ZNF641: variants seen among roughly 807,000 people sequenced by gnomAD.
ZNF641 encodes the protein zinc finger protein 641.
In ZNF641, 26 loss-of-function variants were observed where a neutral mutation model predicts 46.2. The ratio of observed to expected loss-of-function variants is 0.56; its 90% CI spans 0.41 to 0.78. The LOEUF is 0.78. Ranked by LOEUF, ZNF641 falls within the 30% of genes least tolerant of loss-of-function variation. ZNF641 has a pLI of 0.00. For missense variants in ZNF641, 469 were observed against 517.8 expected, an observed-to-expected ratio of 0.91 and a Z score of 0.91; for synonymous variants, 163 against 187.9, an observed-to-expected ratio of 0.87 and a Z score of 1.09.
Position 48,341,886 on chromosome 12 carries a change from C to T in ZNF641, c.*1087G>A. On this transcript the variant is annotated 3_prime_UTR_variant, in exon 6 of 6. Transcript: ENST00000547026. ...AAGCTTTGTACTCAACTTAACCTGT[C>T]ATTTAACCCTTTCCACTAGTTCTCC... is the stretch of plus-strand genomic sequence containing the variant. 1.0e-6 allele frequency: 1 copy of T among 985,454 alleles called. No individual in the cohort carries two copies. The highest frequency in any genetic ancestry group is 6.1e-5 in the Admixed American group (1 of 16,286). The allele number at this position is 985,454 out of a possible 1,614,324, so 61.0% of individuals were successfully genotyped here. A position where few individuals can be genotyped will look rare whatever the true frequency, so the allele number is the denominator to read the frequency against.
chr12:48,347,411 AT>A, intron 2 of ZNF641, 68 bp from the exon 3 acceptor site: 2 of 1,410,848 alleles, frequency 1.4e-6, no homozygotes, highest in South Asian at 1.4e-5. Context: ...CCTGGGCCCC[AT>A]TTTAGAGAGG....
At chr12:48,346,373 T>C (rs1478727088) in intron 3 of ZNF641, among the ~76,000 whole-genome samples, 1 of 152,164 alleles carries the variant, frequency 6.6e-6, no homozygotes, top group Non-Finnish European at 1.5e-5. Flanking sequence ...TTCTCAGAAT[T>C]AAATGAGTTA....
At position 48,348,110 on chromosome 12, in the gene ZNF641, T is replaced by A. The variant is rs764171939; in HGVS notation, c.-20A>T. 2 of 1,614,010 alleles carry A rather than the reference T, an allele frequency of 1.2e-6. No individual in the cohort carries two copies. The highest frequency in any genetic ancestry group is 3.3e-5 in the Admixed American group (2 of 60,020). ...AAGCATTTCTGCTGCAGACCCAAATTGTGACCTGGAACAAATTCATATCAG... is the reference window on the plus strand; with the variant it reads ...AAGCATTTCTGCTGCAGACCCAAATAGTGACCTGGAACAAATTCATATCAG... On this transcript the variant is annotated 5_prime_UTR_variant, in exon 2 of 6. Transcript: ENST00000547026.
intron 3 of ZNF641, among the ~76,000 whole-genome samples, chr12:48,346,396 C>T (rs893320301): frequency 2.0e-5 from 3 of 152,148 alleles, no homozygotes; most frequent in African/African-American, 4.8e-5. Context: ...ATACATAAAG[C>T]ACCCAGAAAA....
At position 48,347,941 on chromosome 12, in the gene ZNF641, G is replaced by A; in HGVS notation, c.150C>T (p.Asp50=). Residue 50 remains aspartate (D), a synonymous_variant, in exon 2 of 6, where the codon GAC becomes GAT. Coordinates refer to ENST00000547026, the MANE Select transcript of ZNF641 (RefSeq NM_001172681.2). ...VPGPLEHLCC[D]LEEEPQSLQE... ...GAAGGGACTGTGGCTCCTCTTCAAGGTCACAGCACAGGTGCTCCAGAGGTC... is the reference window on the plus strand; with the variant it reads ...GAAGGGACTGTGGCTCCTCTTCAAGATCACAGCACAGGTGCTCCAGAGGTC... The A allele has an allele frequency of 6.2e-7, 1 of 1,614,138 alleles. No individual in the cohort carries two copies. The highest frequency in any genetic ancestry group is 8.5e-7 in the Non-Finnish European group (1 of 1,180,024).
At position 48,339,238 on chromosome 12, in the gene ZNF641, A is replaced by G. The variant is rs1016242672; in HGVS notation, c.*3735T>C. ...GTCTAGCCTAGTGAGGCTACAGAGA[A>G]TAAACCTGACAACAGGAGTGTGAAG... is the stretch of plus-strand genomic sequence containing the variant. On this transcript the variant is annotated 3_prime_UTR_variant, in exon 6 of 6. Transcript: ENST00000547026. 2.0e-5 allele frequency: 3 copies of G among 152,336 alleles called. No individual in the cohort carries two copies. Among genetic ancestry groups the G allele is most frequent in the Admixed American group, 6.5e-5 (1 of 15,300 alleles). 9.4% of individuals were successfully genotyped at this position (152,336 alleles called of 1,614,324 possible).
chr12:48,344,912 C>G (rs945867402), intron 4 of ZNF641, 200 bp from the exon 5 acceptor site: 2 of 549,608 alleles, frequency 3.6e-6, no homozygotes, highest in South Asian at 2.2e-5. Flanking sequence ...AAATCACTCT[C>G]CTTCCCAATG....
At chr12:48,350,417 C>T in intron 1 of ZNF641, 1 of 297,794 alleles carries the variant, frequency 3.4e-6, no homozygotes, top group Non-Finnish European at 6.4e-6. Flanking sequence ...TCACAGTGCC[C>T]CTGGAAAGGG....
At chr12:48,335,371 C>A (rs2450993), downstream of ZNF641, among the ~76,000 whole-genome samples, 2,792 of 152,234 alleles carry the variant, frequency 0.018, 31 homozygotes, top group Non-Finnish European at 0.028. Context: ...CTAGTATTAG[C>A]CTTTTTCCTC....
rs543979554 is a variant in ZNF641, at chr12:48,339,531, G to C, written c.*3442C>G. 1.3e-4 allele frequency: 20 copies of C among 152,204 alleles called. No homozygotes were observed. The highest frequency in any genetic ancestry group is 4.8e-4 in the African/African-American group (20 of 41,450). The allele number at this position is 152,204 out of a possible 1,614,324, so 9.4% of individuals were successfully genotyped here. A position where few individuals can be genotyped will look rare whatever the true frequency, so the allele number is the denominator to read the frequency against. On this transcript the variant is annotated 3_prime_UTR_variant, in exon 6 of 6. Coordinates refer to ENST00000547026, the MANE Select transcript of ZNF641 (RefSeq NM_001172681.2). ...GTTTGGTATGGCTCACAAGGGAAAAGAGGAAAATTTTGCTAGCTCAGGCTC... is the reference window on the plus strand; with the variant it reads ...GTTTGGTATGGCTCACAAGGGAAAACAGGAAAATTTTGCTAGCTCAGGCTC...
At chr12:48,350,213 A>C in intron 1 of ZNF641, 1 of 1,493,924 alleles carries the variant, frequency 6.7e-7, no homozygotes, top group South Asian at 1.3e-5. Context: ...ATGGGTAGCA[A>C]GGGACCTGCA....
intron 3 of ZNF641, among the ~76,000 whole-genome samples, chr12:48,346,797 C>G (rs2732464): frequency 0.78 from 118,592 of 152,152 alleles, 47,072 homozygotes; most frequent in Non-Finnish European, 0.86. Context: ...GATCACCTGA[C>G]GTCAGCAGTT....
intron 3 of ZNF641, 31 bp from the exon 4 acceptor site, chr12:48,345,505 A>C: frequency 1.2e-6 from 2 of 1,613,320 alleles, no homozygotes; most frequent in Non-Finnish European, 1.7e-6. Flanking sequence ...TTCTGTCAGC[A>C]GCTGTTTTTT....
At position 48,344,657 on chromosome 12, in the gene ZNF641, T is replaced by C; in HGVS notation, c.462A>G (p.Gln154=). ...MLSQLEGGEE[Q]WVPDPQDLEE... ...CTAAGTCCTGGGGGTCAGGGACCCA[T>C]TGTTCTTCTCCTCCTTCTAGTTGAG... The change falls in exon 5 of 6, where the codon CAA becomes CAG. Residue 154 remains glutamine (Q), a synonymous_variant. Coordinates refer to ENST00000547026, the MANE Select transcript of ZNF641 (RefSeq NM_001172681.2). 6.2e-7 allele frequency: 1 copy of C among 1,613,820 alleles called. No individual in the cohort carries two copies. Among genetic ancestry groups the C allele is most frequent in the Non-Finnish European group, 8.5e-7 (1 of 1,179,850 alleles).
intron 1 of ZNF641, 116 bp from the exon 2 acceptor site, chr12:48,348,231 C>A: frequency 9.8e-7 from 1 of 1,015,236 alleles, no homozygotes; most frequent in Non-Finnish European, 1.4e-6. Context: ...GAGGAGCTTG[C>A]TGGAAGATGA....
In ZNF641 at chr12:48,347,333, A is replaced by G; in HGVS notation, c.195T>C (p.Ala65=). Residue 65 remains alanine, a synonymous_variant, in exon 3 of 6, where the codon GCT becomes GCC. Coordinates refer to ENST00000547026, the MANE Select transcript of ZNF641 (RefSeq NM_001172681.2). ...PQSLQEKAQS[A]PWVPAIPQEG... ...CCTGGGGAATTGCAGGAACCCAGGGAGCAGACTGAGCTGATAAGGAGAGAG... is the reference window on the plus strand; with the variant it reads ...CCTGGGGAATTGCAGGAACCCAGGGGGCAGACTGAGCTGATAAGGAGAGAG... 1 of 1,611,882 alleles carries G rather than the reference A, an allele frequency of 6.2e-7. No homozygotes were observed. Among genetic ancestry groups the G allele is most frequent in the Non-Finnish European group, 8.5e-7 (1 of 1,178,534 alleles).
At chr12:48,347,412 T>C in intron 2 of ZNF641, 69 bp from the exon 3 acceptor site, 2 of 1,397,396 alleles carry the variant, frequency 1.4e-6, no homozygotes, top group Non-Finnish European at 1.9e-6. Flanking sequence ...CTGGGCCCCA[T>C]TTTAGAGAGG....
chr12:48,347,162 G>C, intron 3 of ZNF641, 90 bp downstream of exon 3: 1 of 1,603,502 alleles, frequency 6.2e-7, no homozygotes, highest in Non-Finnish European at 8.5e-7. Flanking sequence ...TGATGATCAT[G>C]TGAGCCAACT....
chr12:48,340,620 C>A lies in ZNF641; in HGVS notation c.*2353G>T, dbSNP rs1008509658. On this transcript the variant is annotated 3_prime_UTR_variant, in exon 6 of 6. Coordinates refer to ENST00000547026, the MANE Select transcript of ZNF641 (RefSeq NM_001172681.2). The stretch of plus-strand genomic sequence containing the variant: ...ATAATGACCATTTTAGATCGGGGAA[C>A]TCCCTTTCTTTGAAGGCAGTTTAGG... 1.0e-6 allele frequency: 1 copy of A among 985,462 alleles called. No individual in the cohort carries two copies. Among genetic ancestry groups the A allele is most frequent in the Admixed American group, 6.1e-5 (1 of 16,286 alleles). 61.0% of individuals were successfully genotyped at this position (985,462 alleles called of 1,614,324 possible). A position where few individuals can be genotyped will look rare whatever the true frequency, so the allele number is the denominator to read the frequency against.
Sources: allele counts gnomAD v4.1 joint callset (sites outside exome capture counted in the v4.1 genomes callset), GRCh38; gene constraint gnomAD v4.1.1; transcripts MANE v1.5; gene names NCBI Gene and HGNC (gene_info 2026-07-23, HGNC 2026-07-21).